ESRRG: variants seen among roughly 807,000 people sequenced by gnomAD.
The protein encoded by ESRRG is estrogen-related receptor gamma.
In ESRRG, 13 loss-of-function variants were observed where a neutral mutation model predicts 44.0. The observed-to-expected ratio is 0.30, with a 90% CI of 0.19 to 0.47. The LOEUF (loss-of-function observed/expected upper bound fraction) is 0.47, where lower values mean the gene tolerates loss of function less well. Among genes scored for constraint, ESRRG ranks in the 20% least tolerant of loss-of-function variants. The probability of loss-of-function intolerance (pLI) is 1.00; values close to 1 mark genes in which losing one functional copy is unlikely to be tolerated. For synonymous variants in ESRRG, 215 were observed against 214.6 expected (o/e 1.00, Z -0.02); for missense variants, 395 against 580.6 (o/e 0.68, Z 3.29).
intron 2 of ESRRG, among the ~76,000 whole-genome samples, chr1:216,674,541 T>C (rs1281608838): frequency 6.6e-6 from 1 of 152,070 alleles, no homozygotes; most frequent in Non-Finnish European, 1.5e-5. Flanking sequence ...TGAAAGGCTA[T>C]GAAAAGATTA....
At chr1:216,525,523 TTA>T (rs748508882) in intron 5 of ESRRG, among the ~76,000 whole-genome samples, 46 of 71,176 alleles carry the variant, frequency 6.5e-4, no homozygotes, top group African/African-American at 7.8e-4. Context: ...CTGCCTTAAG[TTA>T]AAGAGGGAAA....
intron 2 of ESRRG, among the ~76,000 whole-genome samples, chr1:216,786,373 G>A (rs1409734772): frequency 6.6e-6 from 1 of 152,072 alleles, no homozygotes; most frequent in Non-Finnish European, 1.5e-5. Context: ...AATAAAGTAA[G>A]TACATGTAAT....
At chr1:216,847,513 T>C (rs2095772513) in intron 2 of ESRRG, among the ~76,000 whole-genome samples, 1 of 152,082 alleles carries the variant, frequency 6.6e-6, no homozygotes, top group South Asian at 2.1e-4. Flanking sequence ...CATTCTGTCA[T>C]GGTTTCTTTT....
chr1:217,106,723 C>T (rs752181892), intron 1 of ESRRG, among the ~76,000 whole-genome samples: 12 of 152,140 alleles, frequency 7.9e-5, no homozygotes, highest in Non-Finnish European at 1.5e-4. Context: ...GCCTCCTTCC[C>T]ACTGTGACCA....
intron 1 of ESRRG, among the ~76,000 whole-genome samples, chr1:217,081,154 A>C (rs574598885): frequency 6.6e-6 from 1 of 151,682 alleles, no homozygotes; most frequent in East Asian, 1.9e-4. Flanking sequence ...TTATGCATTA[A>C]AATGTAACCC....
At chr1:217,085,222 C>T (rs967551828) in intron 1 of ESRRG, among the ~76,000 whole-genome samples, 5 of 151,938 alleles carry the variant, frequency 3.3e-5, no homozygotes, top group Non-Finnish European at 5.9e-5. Flanking sequence ...AACATACTAC[C>T]AAGAATTTTT....
At chr1:217,037,328 T>C (rs568685238) in intron 1 of ESRRG, among the ~76,000 whole-genome samples, 3 of 152,348 alleles carry the variant, frequency 2.0e-5, no homozygotes, top group African/African-American at 4.8e-5. Context: ...GTTTATGGAC[T>C]TACAGTTCCA....
chr1:216,937,729 G>A (rs941830064), intron 2 of ESRRG, among the ~76,000 whole-genome samples: 5 of 152,128 alleles, frequency 3.3e-5, no homozygotes, highest in African/African-American at 1.2e-4. Flanking sequence ...GCCAGGCTGG[G>A]GACCTGAAAC....
intron 2 of ESRRG, among the ~76,000 whole-genome samples, chr1:216,826,152 C>A (rs1216522236): frequency 6.7e-6 from 1 of 150,286 alleles, no homozygotes. Flanking sequence ...TGATAAAGTG[C>A]TCAAGTCACT....
rs185814851 is a variant in ESRRG at position 216,510,841 on chromosome 1, T to A, written c.1133-3658A>T. Among the ~76,000 whole-genome samples, 490 of 152,034 alleles carry A rather than the reference T, an allele frequency of 3.2e-3. 4 individuals are homozygous for A. Among genetic ancestry groups the A allele is most frequent in the African/African-American group, 0.011 (464 of 41,448 alleles). On this transcript the variant is annotated intron_variant, in intron 6 of 6. Coordinates refer to ENST00000408911, the MANE Select transcript of ESRRG (RefSeq NM_001438.4). ...GTGAGCTGAGATCGCGCCACTGCACTCCAGCCTGGGCGACAGAGCCAGACT... is the reference window on the plus strand; with the variant it reads ...GTGAGCTGAGATCGCGCCACTGCACACCAGCCTGGGCGACAGAGCCAGACT...
chr1:216,627,725 T>G (rs1387198579), intron 3 of ESRRG, among the ~76,000 whole-genome samples: 1 of 152,204 alleles, frequency 6.6e-6, no homozygotes, highest in Non-Finnish European at 1.5e-5. Context: ...CAAATGATTA[T>G]TTTCTCTGTT....
intron 2 of ESRRG, among the ~76,000 whole-genome samples, chr1:216,843,938 T>G (rs370260362): frequency 1.3e-5 from 2 of 152,118 alleles, no homozygotes; most frequent in East Asian, 3.9e-4. Flanking sequence ...CCAGATAGCT[T>G]TAATTACAGC....
rs74467342 is a variant in ESRRG, at chr1:216,553,877, T to A, written c.862+10342A>T. Among the ~76,000 whole-genome samples the A allele has an allele frequency of 1.7e-3, 263 of 152,150 alleles. 1 individual carries two copies. Among genetic ancestry groups the A allele is most frequent in the Admixed American group, 0.012 (186 of 15,260 alleles). Reference sequence around the variant, plus strand: ...GTGGACTACTCCAGAAATCAAAAATTTTAAAAGTGTGTTTTTTTCTAAGAG... The same window carrying A: ...GTGGACTACTCCAGAAATCAAAAATATTAAAAGTGTGTTTTTTTCTAAGAG... On this transcript the variant is annotated intron_variant, in intron 5 of 6. Transcript: ENST00000408911.
chr1:216,675,743 A>AT (rs958011777), intron 2 of ESRRG, among the ~76,000 whole-genome samples: 3 of 152,174 alleles, frequency 2.0e-5, no homozygotes, highest in Non-Finnish European at 4.4e-5. Flanking sequence ...CATTTCTTAC[A>AT]TTTTCCCAGA....
At chr1:216,659,599 C>G (rs535086234) in intron 2 of ESRRG, among the ~76,000 whole-genome samples, 1 of 152,186 alleles carries the variant, frequency 6.6e-6, no homozygotes, top group Non-Finnish European at 1.5e-5. Flanking sequence ...AAGCTCACCC[C>G]CTTGTCTGAA....
intron 3 of ESRRG, among the ~76,000 whole-genome samples, chr1:216,569,111 A>AGGAAGGAAGGAAGGAAGGAAGAAG (rs1553355981): frequency 0.025 from 2,572 of 104,430 alleles, 97 homozygotes; most frequent in Middle Eastern, 0.063. Flanking sequence ...GAAGGAAGGA[A>AGGAAGGAAGGAAGGAAGGAAGAAG]GAAGGAAGGA....
intron 1 of ESRRG, among the ~76,000 whole-genome samples, chr1:217,050,216 T>C (rs1485885534): frequency 2.0e-5 from 3 of 152,140 alleles, no homozygotes; most frequent in Non-Finnish European, 4.4e-5. Flanking sequence ...AAAAAGAACT[T>C]CTGGCAACAC....
chr1:217,016,510 C>T lies in ESRRG; in HGVS notation c.-106+72997G>A, dbSNP rs572900615. On this transcript the variant is annotated intron_variant, in intron 1 of 7. Transcript: ENST00000359162. ...TATTATTGTTTTCATCTTTCTTCTCCTTCTTTCCTTCATTCTCCAACTTCT... is the reference window on the plus strand; with the variant it reads ...TATTATTGTTTTCATCTTTCTTCTCTTTCTTTCCTTCATTCTCCAACTTCT... Among the ~76,000 whole-genome samples the T allele has an allele frequency of 5.9e-5, 9 of 152,238 alleles. No individual in the cohort carries two copies. In the South Asian group the frequency reaches 6.2e-4, roughly 11 times the overall value.
At chr1:216,535,084 T>G (rs1204921296) in intron 5 of ESRRG, among the ~76,000 whole-genome samples, 1 of 151,940 alleles carries the variant, frequency 6.6e-6, no homozygotes, top group Non-Finnish European at 1.5e-5. Flanking sequence ...GAGGCAAGGG[T>G]GTTCATAGGC....
Sources: allele counts gnomAD v4.1 joint callset (sites outside exome capture counted in the v4.1 genomes callset), GRCh38; gene constraint gnomAD v4.1.1; transcripts MANE v1.5; gene names NCBI Gene and HGNC (gene_info 2026-07-23, HGNC 2026-07-21).